OXSR1: variants seen among roughly 807,000 people sequenced by gnomAD.
OXSR1 encodes serine/threonine-protein kinase OSR1.
OXSR1 carries 24 observed loss-of-function variants against 79.8 expected under a neutral mutation model. The ratio of observed to expected loss-of-function variants is 0.30; its 90% CI spans 0.22 to 0.42. The LOEUF (loss-of-function observed/expected upper bound fraction) is 0.42. Among genes scored for constraint, OXSR1 ranks in the 10% least tolerant of loss-of-function variants. The probability of loss-of-function intolerance (pLI) is 1.00; values close to 1 mark genes in which losing one functional copy is unlikely to be tolerated. For missense variants in OXSR1, 430 were observed against 618.4 expected (o/e 0.70, Z 3.23); for synonymous variants, 226 against 209.2 (o/e 1.08, Z -0.69).
chr3:38,179,319 C>T (rs574074257), intron 1 of OXSR1, among the ~76,000 whole-genome samples: 49 of 152,068 alleles, frequency 3.2e-4, no homozygotes, highest in Admixed American at 5.2e-4. Context: ...CATGAGCTCC[C>T]GCCCTGGCCT....
intron 10 of OXSR1, among the ~76,000 whole-genome samples, chr3:38,232,126 C>T (rs1351448438): frequency 6.6e-6 from 1 of 151,794 alleles, no homozygotes; most frequent in Non-Finnish European, 1.5e-5. Context: ...AAAAGAAGAG[C>T]GAGCCTCAGA....
intron 12 of OXSR1, 109 bp downstream of exon 12, chr3:38,242,887 C>G: frequency 3.7e-6 from 2 of 537,618 alleles, no homozygotes; most frequent in Non-Finnish European, 6.7e-6. Context: ...GGGAATGCAA[C>G]TTTATACCAA....
intron 1 of OXSR1, among the ~76,000 whole-genome samples, chr3:38,174,194 AGTT>A (rs1701636528): frequency 6.6e-6 from 1 of 152,198 alleles, no homozygotes; most frequent in African/African-American, 2.4e-5. Context: ...TCAGGTTGTA[AGTT>A]GTTGTAGGAA....
intron 1 of OXSR1, among the ~76,000 whole-genome samples, chr3:38,169,969 C>A (rs1160608270): frequency 1.3e-5 from 2 of 151,570 alleles, no homozygotes; most frequent in African/African-American, 2.4e-5. Flanking sequence ...ATCGCTCAAG[C>A]GATCTGCCTG....
At chr3:38,226,729 T>C (rs572452221) in intron 8 of OXSR1, among the ~76,000 whole-genome samples, 144 of 152,088 alleles carry the variant, frequency 9.5e-4, no homozygotes, top group Non-Finnish European at 1.8e-3. Context: ...GCAAGATACC[T>C]GACCAGCACT....
At chr3:38,193,381 CATGGTTCTTTCAGT>C in intron 3 of OXSR1, 1 of 1,288,334 alleles carries the variant, frequency 7.8e-7, no homozygotes, top group Non-Finnish European at 1.0e-6. Context: ...GGTGGTCAAG[CATGGTTCTTTCAGT>C]ATGGAGAGAT....
chr3:38,194,519 C>G (rs1437884725), intron 3 of OXSR1, among the ~76,000 whole-genome samples: 1 of 151,984 alleles, frequency 6.6e-6, no homozygotes, highest in Non-Finnish European at 1.5e-5. Flanking sequence ...GCCTGGGTGA[C>G]AGAGTGAGAC....
At chr3:38,250,082 T>G in intron 15 of OXSR1, 64 bp downstream of exon 15, 1 of 1,111,484 alleles carries the variant, frequency 9.0e-7, no homozygotes, top group South Asian at 1.3e-5. Context: ...AAATGTGTTG[T>G]GAAGTTTCTG....
Position 38,254,034 on chromosome 3 carries a change from G to C in OXSR1, c.*1143G>C. ...AATTATTCTTTAGGTTTAAAAAAGA[G>C]CACTCATAATGCAATATGTGAATAA... On this transcript the variant is annotated 3_prime_UTR_variant, in exon 18 of 18. Coordinates refer to ENST00000311806, the MANE Select transcript of OXSR1 (RefSeq NM_005109.3). 2.5e-6 allele frequency: 1 copy of C among 396,330 alleles called. No individual in the cohort carries two copies. Among genetic ancestry groups the C allele is most frequent in the East Asian group, 3.6e-5 (1 of 28,006 alleles). 24.6% of individuals were successfully genotyped at this position (396,330 alleles called of 1,614,324 possible). A position where few individuals can be genotyped will look rare whatever the true frequency, so the allele number is the denominator to read the frequency against.
Position 38,252,329 on chromosome 3 carries a change from G to C in OXSR1, c.1446G>C (p.Val482=). ...CCTTCTCTGTTTGTATGATTACAGT[G>C]GCAGCTAATTTGCAGAAAATTGTGG... The part of the protein sequence containing the change: ...GLVDGRDLVI[V]AANLQKIVEE... Residue 482 remains valine (V), a splice_region_variant and synonymous_variant, in exon 17 of 18, where the codon GTG becomes GTC. Transcript: ENST00000311806. 1 of 1,602,108 alleles carries C rather than the reference G, an allele frequency of 6.2e-7. No individual in the cohort carries two copies. The highest frequency in any genetic ancestry group is 8.6e-7 in the Non-Finnish European group (1 of 1,169,254).
intron 8 of OXSR1, among the ~76,000 whole-genome samples, chr3:38,226,659 AT>A (rs1481146773): frequency 6.6e-6 from 1 of 152,034 alleles, no homozygotes; most frequent in African/African-American, 2.4e-5. Flanking sequence ...CTTCCTCCAA[AT>A]CCGTAACTTC....
intron 9 of OXSR1, 122 bp downstream of exon 9, chr3:38,229,857 G>A: frequency 1.3e-6 from 1 of 775,028 alleles, no homozygotes; most frequent in Non-Finnish European, 2.2e-6. Context: ...TAAAATAATT[G>A]CAGAAAGCAC....
chr3:38,230,423 C>CA lies in OXSR1; in HGVS notation c.950dup (p.Val318GlyfsTer13). 2 of 1,591,896 alleles carry CA rather than the reference C, an allele frequency of 1.3e-6. No homozygotes were observed. Among genetic ancestry groups the CA allele is most frequent in the Non-Finnish European group, 1.7e-6 (2 of 1,162,990 alleles). On this transcript the variant is annotated frameshift_variant, in exon 10 of 18. Coordinates refer to ENST00000311806, the MANE Select transcript of OXSR1 (RefSeq NM_005109.3). LOFTEE classifies it high-confidence loss of function. ...AGAGCACCAACCATTTCTGAAAGAG[C>CA]AAAAAAGGTAAATCAGAATTTAACT...
At chr3:38,244,680 C>T (rs1340970582) in intron 12 of OXSR1, among the ~76,000 whole-genome samples, 3 of 64,446 alleles carry the variant, frequency 4.7e-5, no homozygotes, top group Non-Finnish European at 8.3e-5. Flanking sequence ...TGCGCATGTA[C>T]CACATTTTAT....
At chr3:38,215,913 T>C (rs1702473622) in intron 4 of OXSR1, among the ~76,000 whole-genome samples, 183 bp from the exon 5 acceptor site, 1 of 152,194 alleles carries the variant, frequency 6.6e-6, no homozygotes, top group African/African-American at 2.4e-5. Context: ...TAGCTTTCTT[T>C]TTAATGTGTG....
intron 10 of OXSR1, 72 bp from the exon 11 acceptor site, chr3:38,236,767 A>G: frequency 7.4e-7 from 1 of 1,352,656 alleles, no homozygotes; most frequent in East Asian, 2.4e-5. Context: ...ATAGAAGAAG[A>G]GAGAAATATG....
At chr3:38,184,954 G>GTTTTTTTTGTTTTT (rs1559503629) in intron 2 of OXSR1, among the ~76,000 whole-genome samples, 1 of 96,228 alleles carries the variant, frequency 1.0e-5, no homozygotes. Flanking sequence ...TTTTTTTTGG[G>GTTTTTTTTGTTTTT]TTTCTTTGAG....
intron 13 of OXSR1, among the ~76,000 whole-genome samples, chr3:38,246,747 T>C (rs1453597974): frequency 2.0e-5 from 3 of 151,456 alleles, no homozygotes; most frequent in Non-Finnish European, 3.0e-5. Context: ...TCATACTTCA[T>C]TGAGAGCAGC....
intron 4 of OXSR1, among the ~76,000 whole-genome samples, chr3:38,210,638 A>AT (rs1702367066): frequency 1.3e-5 from 2 of 152,026 alleles, no homozygotes; most frequent in African/African-American, 4.8e-5. Context: ...GTCAACTACA[A>AT]TTTAAGTTTT....
Sources: gnomAD v4.1 joint callset for allele counts (sites outside exome capture counted in the v4.1 genomes callset) on GRCh38, gnomAD v4.1.1 for gene constraint, MANE v1.5 for transcripts, NCBI Gene and HGNC (gene_info 2026-07-23, HGNC 2026-07-21) for gene names.